GNA12: variants seen among roughly 807,000 people sequenced by gnomAD.
GNA12 encodes the protein guanine nucleotide-binding protein subunit alpha-12.
A neutral mutation model predicts 26.0 loss-of-function variants in GNA12; 9 were observed. That is an observed-to-expected ratio of 0.35 (90% CI 0.21 to 0.60). GNA12 has a LOEUF of 0.60. Ranked by LOEUF, GNA12 falls within the 20% of genes least tolerant of loss-of-function variation. GNA12 has a pLI of 0.78. For synonymous variants in GNA12, 264 were observed against 219.6 expected (o/e 1.20, Z -1.79); for missense variants, 405 against 525.8 (o/e 0.77, Z 2.25).
At chr7:2,814,843 G>C in intron 1 of GNA12, 2 of 1,589,546 alleles carry the variant, frequency 1.3e-6, no homozygotes, top group South Asian at 1.1e-5. Context: ...ACAGCACCGG[G>C]TGTGCACTGC....
chr7:2,739,115 G>GCCGGGCCCCTAAAGCA (rs1790368728), intron 2 of GNA12, among the ~76,000 whole-genome samples: 1 of 152,184 alleles, frequency 6.6e-6, no homozygotes, highest in Admixed American at 6.5e-5. Flanking sequence ...GGGGTGCCAC[G>GCCGGGCCCCTAAAGCA]CCGGGCCCCT....
At chr7:2,743,464 C>T (rs967149630) in intron 2 of GNA12, among the ~76,000 whole-genome samples, 1 of 152,160 alleles carries the variant, frequency 6.6e-6, no homozygotes, top group Non-Finnish European at 1.5e-5. Flanking sequence ...TGGCTTGACA[C>T]AGACTTTAAA....
intron 3 of GNA12, among the ~76,000 whole-genome samples, chr7:2,732,632 A>G (rs114294203): frequency 1.3e-5 from 2 of 152,198 alleles, no homozygotes; most frequent in Admixed American, 6.5e-5. Context: ...CTTCTTGCCA[A>G]AACACCAAAC....
At chr7:2,841,001 C>T (rs1309860510) in intron 1 of GNA12, among the ~76,000 whole-genome samples, 1 of 152,200 alleles carries the variant, frequency 6.6e-6, no homozygotes, top group Non-Finnish European at 1.5e-5. Flanking sequence ...ATGGTCACGA[C>T]ACATGAAGTG....
intron 3 of GNA12, among the ~76,000 whole-genome samples, chr7:2,732,355 T>C (rs1398962832): frequency 6.6e-6 from 1 of 152,154 alleles, no homozygotes; most frequent in East Asian, 1.9e-4. Context: ...AAGAACAGCC[T>C]GGGCAACATA....
At chr7:2,750,712 G>C (rs566215402) in intron 2 of GNA12, among the ~76,000 whole-genome samples, 1 of 152,178 alleles carries the variant, frequency 6.6e-6, no homozygotes, top group Non-Finnish European at 1.5e-5. Context: ...TATTGGACAG[G>C]CATGTTAACA....
intron 2 of GNA12, among the ~76,000 whole-genome samples, chr7:2,748,428 A>C (rs1193732289): frequency 6.6e-6 from 1 of 152,174 alleles, no homozygotes; most frequent in Non-Finnish European, 1.5e-5. Context: ...CCTATTTAAT[A>C]AATGGTGCTG....
chr7:2,844,166 C>T lies in GNA12; in HGVS notation c.-5G>A, dbSNP rs1041476644. ...GGTCCGCACCACCCCGGACATGGCCCCTCAGGCCGCGGCCGCGCCCCGCCG... is the reference window on the plus strand; with the variant it reads ...GGTCCGCACCACCCCGGACATGGCCTCTCAGGCCGCGGCCGCGCCCCGCCG... On this transcript the variant is annotated 5_prime_UTR_variant, in exon 1 of 4. Transcript: ENST00000275364. 4.1e-6 allele frequency: 4 copies of T among 983,126 alleles called. No individual in the cohort carries two copies. The African/African-American group carries it at 7.1e-5, about 17-fold the overall frequency. 60.9% of individuals were successfully genotyped at this position (983,126 alleles called of 1,614,324 possible).
intron 2 of GNA12, among the ~76,000 whole-genome samples, chr7:2,739,751 G>A (rs945435817): frequency 5.9e-5 from 9 of 152,066 alleles, no homozygotes; most frequent in South Asian, 2.1e-4. Context: ...TTGGCTCACC[G>A]CAACCTCTGC....
At chr7:2,735,851 G>C (rs1562393425) in intron 2 of GNA12, among the ~76,000 whole-genome samples, 1 of 152,140 alleles carries the variant, frequency 6.6e-6, no homozygotes, top group Non-Finnish European at 1.5e-5. Context: ...GAACTGTAAG[G>C]TGCCAGGGAC....
chr7:2,817,249 C>T (rs1306397441), intron 1 of GNA12, among the ~76,000 whole-genome samples: 2 of 152,206 alleles, frequency 1.3e-5, no homozygotes, highest in Non-Finnish European at 2.9e-5. Flanking sequence ...AAATTACAGG[C>T]ACGCGCCACC....
At chr7:2,734,652 G>A (rs759871817) in intron 2 of GNA12, among the ~76,000 whole-genome samples, 6 of 152,228 alleles carry the variant, frequency 3.9e-5, no homozygotes, top group Non-Finnish European at 8.8e-5. Flanking sequence ...AAGCAGAGAG[G>A]AAGCTCCTTC....
intron 2 of GNA12, among the ~76,000 whole-genome samples, chr7:2,744,517 G>A (rs1790671976): frequency 6.6e-6 from 1 of 152,170 alleles, no homozygotes; most frequent in Non-Finnish European, 1.5e-5. Context: ...AAACCCATCT[G>A]TACGTCACCA....
chr7:2,840,198 T>C (rs752430280), intron 1 of GNA12, among the ~76,000 whole-genome samples: 8 of 152,202 alleles, frequency 5.3e-5, no homozygotes, highest in Non-Finnish European at 1.2e-4. Context: ...GCAGAGGGTA[T>C]GTGGGATCTC....
intron 1 of GNA12, among the ~76,000 whole-genome samples, chr7:2,830,203 A>G (rs1042225882): frequency 6.6e-6 from 1 of 151,672 alleles, no homozygotes; most frequent in Non-Finnish European, 1.5e-5. Flanking sequence ...ACCTTAAGGG[A>G]CTGGGGCTGG....
At chr7:2,790,643 T>C (rs1792493824) in intron 2 of GNA12, among the ~76,000 whole-genome samples, 1 of 152,166 alleles carries the variant, frequency 6.6e-6, no homozygotes, top group Non-Finnish European at 1.5e-5. Flanking sequence ...ATCTATATCA[T>C]ACCATTCTAA....
intron 2 of GNA12, among the ~76,000 whole-genome samples, chr7:2,771,983 G>T (rs538353913): frequency 1.2e-3 from 183 of 152,298 alleles, no homozygotes; most frequent in African/African-American, 4.3e-3. Context: ...AGAGCATGTG[G>T]TGTCTCACCA....
chr7:2,839,915 C>T (rs1778941013), intron 1 of GNA12, among the ~76,000 whole-genome samples: 1 of 152,148 alleles, frequency 6.6e-6, no homozygotes, highest in African/African-American at 2.4e-5. Context: ...AGGAGAATCG[C>T]TTGAACCCCG....
intron 2 of GNA12, among the ~76,000 whole-genome samples, chr7:2,777,917 A>G (rs192368316): frequency 4.1e-4 from 63 of 152,352 alleles, no homozygotes; most frequent in African/African-American, 1.5e-3. Context: ...AAAAAGATCA[A>G]CTAAAACTTG....
Sources: allele counts gnomAD v4.1 joint callset (sites outside exome capture counted in the v4.1 genomes callset), GRCh38; gene constraint gnomAD v4.1.1; transcripts MANE v1.5; gene names NCBI Gene and HGNC (gene_info 2026-07-23, HGNC 2026-07-21).